TENM3: variants seen among roughly 807,000 people sequenced by gnomAD.
TENM3 encodes the protein teneurin-3.
A neutral mutation model predicts 255.1 loss-of-function variants in TENM3; 63 were observed. The ratio of observed to expected loss-of-function variants is 0.25; its 90% confidence interval spans 0.20 to 0.30. The LOEUF (loss-of-function observed/expected upper bound fraction) is 0.30. TENM3 is among the 10% of genes least tolerant of loss of function. The probability of loss-of-function intolerance (pLI) is 1.00; values close to 1 mark genes in which losing one functional copy is unlikely to be tolerated. For missense variants in TENM3, 2,929 were observed against 3,461.1 expected, an observed-to-expected ratio of 0.85 and a Z score of 3.86; for synonymous variants, 1,306 against 1,322.3, an observed-to-expected ratio of 0.99 and a Z score of 0.27.
chr4:181,849,943 TCTCTCTCA>T, the TENM3 span, among the ~76,000 whole-genome samples: 3,060 of 42,882 alleles, frequency 0.071, 124 homozygotes, highest in African/African-American at 0.12. Flanking sequence ...TCTCTCTCTC[TCTCTCTCA>T]CACACACACA....
chr4:182,543,052 G>T (rs947537740), intron 3 of TENM3, among the ~76,000 whole-genome samples: 5 of 152,202 alleles, frequency 3.3e-5, no homozygotes, highest in African/African-American at 1.2e-4. Flanking sequence ...TAACAAAGGA[G>T]TTCCTAACGA....
chr4:182,684,032 T>C (rs1381028141), intron 11 of TENM3, among the ~76,000 whole-genome samples: 4 of 151,554 alleles, frequency 2.6e-5, no homozygotes, highest in African/African-American at 9.7e-5. Flanking sequence ...GGGAGGCTGA[T>C]TGAAGAGGCA....
At chr4:182,221,215 C>A (rs548268519) in intron 1 of TENM3, among the ~76,000 whole-genome samples, 1 of 152,276 alleles carries the variant, frequency 6.6e-6, no homozygotes, top group East Asian at 1.9e-4. Context: ...GATAAACAAG[C>A]GATTTGCTCT....
At chr4:182,375,700 C>A (rs1767137596) in intron 3 of TENM3, among the ~76,000 whole-genome samples, 1 of 152,060 alleles carries the variant, frequency 6.6e-6, no homozygotes, top group African/African-American at 2.4e-5. Context: ...GGCCACCACA[C>A]CTGGCTAATT....
the TENM3 span, among the ~76,000 whole-genome samples, chr4:181,700,496 A>G: frequency 6.6e-6 from 1 of 152,212 alleles, no homozygotes; most frequent in Non-Finnish European, 1.5e-5. Flanking sequence ...ATGTTTTCAT[A>G]GTTAATGCAA....
chr4:182,663,179 G>A (rs560430726), intron 6 of TENM3, among the ~76,000 whole-genome samples: 37 of 152,276 alleles, frequency 2.4e-4, no homozygotes, highest in African/African-American at 8.2e-4. Flanking sequence ...GCAAATAGAA[G>A]TTGACAGGCA....
intron 3 of TENM3, among the ~76,000 whole-genome samples, chr4:182,361,128 G>A (rs1194279568): frequency 1.3e-5 from 2 of 152,080 alleles, no homozygotes; most frequent in Non-Finnish European, 2.9e-5. Flanking sequence ...TGGGTAACCC[G>A]ACCTTTCTCT....
chr4:181,846,024 A>T, the TENM3 span, among the ~76,000 whole-genome samples: 36 of 151,494 alleles, frequency 2.4e-4, no homozygotes, highest in African/African-American at 8.7e-4. Flanking sequence ...CCCCTTCTGA[A>T]CTCTCTCATG....
Position 182,294,430 on chromosome 4 carries a change from C to CT in TENM3, c.-75-29504dup, listed in dbSNP as rs10719053. ...CCCTAAGTGTAAATCCCTAAACAGA[C>CT]TTTTTTTTTTTTAAGTGGGAAAGAT... On this transcript the variant is annotated intron_variant, in intron 1 of 27. Coordinates refer to ENST00000511685, the MANE Select transcript of TENM3 (RefSeq NM_001080477.4). Among the ~76,000 whole-genome samples the CT allele has an allele frequency of 5.1e-3, 746 of 146,988 alleles. 8 individuals carry two copies. Among genetic ancestry groups the CT allele is most frequent in the African/African-American group, 0.016 (647 of 40,304 alleles).
chr4:181,973,925 A>G, the TENM3 span, among the ~76,000 whole-genome samples: 86,275 of 152,064 alleles, frequency 0.57, 25,221 homozygotes, highest in African/African-American at 0.69. Flanking sequence ...CATAGAGGGC[A>G]ATGCCCATGT....
chr4:182,177,958 G>GTTTTTTTT (rs56256529), intron 1 of TENM3, among the ~76,000 whole-genome samples: 1,447 of 116,062 alleles, frequency 0.012, 1 homozygote, highest in Non-Finnish European at 0.017. Context: ...TTTGGTTTTT[G>GTTTTTTTT]TTTTTTTTTT....
chr4:181,997,721 C>T, the TENM3 span, among the ~76,000 whole-genome samples: 7 of 152,252 alleles, frequency 4.6e-5, no homozygotes, highest in East Asian at 1.9e-4. Flanking sequence ...CAATGTACAT[C>T]GTCAGCTCTA....
At chr4:182,044,141 T>C in the TENM3 span, among the ~76,000 whole-genome samples, 1 of 152,152 alleles carries the variant, frequency 6.6e-6, no homozygotes, top group Non-Finnish European at 1.5e-5. Context: ...AGGATATATC[T>C]TGATGAGGAA....
chr4:181,899,795 T>A, the TENM3 span, among the ~76,000 whole-genome samples: 1 of 152,120 alleles, frequency 6.6e-6, no homozygotes, highest in Non-Finnish European at 1.5e-5. Context: ...CTCAATCTCT[T>A]GACCTTGTGA....
the TENM3 span, among the ~76,000 whole-genome samples, chr4:182,057,499 T>C: frequency 7.3e-5 from 11 of 151,002 alleles, no homozygotes; most frequent in Admixed American, 2.6e-4. Context: ...CAGCCTTGAA[T>C]TCTTGGGCTC....
the TENM3 span, among the ~76,000 whole-genome samples, chr4:181,663,492 C>T: frequency 6.6e-5 from 10 of 152,116 alleles, no homozygotes; most frequent in African/African-American, 2.4e-4. Context: ...CATCAATGAC[C>T]TTATGTAGAG....
chr4:181,478,481 A>T, the TENM3 span, among the ~76,000 whole-genome samples: 1 of 152,182 alleles, frequency 6.6e-6, no homozygotes, highest in Non-Finnish European at 1.5e-5. Flanking sequence ...AACAGGGATC[A>T]CCATGAAAGC....
At chr4:182,117,832 T>A in the TENM3 span, among the ~76,000 whole-genome samples, 1 of 152,206 alleles carries the variant, frequency 6.6e-6, no homozygotes, top group African/African-American at 2.4e-5. Context: ...CAAAAAAACT[T>A]ACTAAGATTT....
chr4:182,233,388 T>C (rs989555482), intron 1 of TENM3, among the ~76,000 whole-genome samples: 1 of 152,232 alleles, frequency 6.6e-6, no homozygotes, highest in Non-Finnish European at 1.5e-5. Context: ...CTTGGGAACC[T>C]GACCGACGTA....
Sources: gnomAD v4.1 joint callset for allele counts (sites outside exome capture counted in the v4.1 genomes callset) on GRCh38, gnomAD v4.1.1 for gene constraint, MANE v1.5 for transcripts, NCBI Gene and HGNC (gene_info 2026-07-23, HGNC 2026-07-21) for gene names.